The following SPAG1 variants were observed in gnomAD, a reference collection of about 807,000 sequenced individuals.
The protein encoded by SPAG1 is sperm-associated antigen 1.
A neutral mutation model predicts 100.5 loss-of-function variants in SPAG1; 69 were observed. The observed-to-expected ratio is 0.69, with a 90% CI of 0.57 to 0.84. The LOEUF (loss-of-function observed/expected upper bound fraction) is 0.84, where lower values mean the gene tolerates loss of function less well. Ranked by LOEUF, SPAG1 falls within the 40% of genes least tolerant of loss-of-function variation. The pLI, the probability that SPAG1 is intolerant of heterozygous loss-of-function variation, is 0.00. For missense variants in SPAG1, 955 were observed against 1,133.1 expected (o/e 0.84, Z 2.26); for synonymous variants, 336 against 411.6 (o/e 0.82, Z 2.22).
At chr8:100,181,134 T>C (rs1174141074) in intron 4 of SPAG1, among the ~76,000 whole-genome samples, 1 of 152,268 alleles carries the variant, frequency 6.6e-6, no homozygotes, top group Non-Finnish European at 1.5e-5. Flanking sequence ...CCAAATATAA[T>C]ATTACACATT....
At chr8:100,224,585 A>G (rs1799573906) in intron 13 of SPAG1, among the ~76,000 whole-genome samples, 1 of 152,176 alleles carries the variant, frequency 6.6e-6, no homozygotes, top group Non-Finnish European at 1.5e-5. Flanking sequence ...ACTGATAATT[A>G]TAGAGATGAA....
At chr8:100,209,623 C>A (rs1817639908) in intron 10 of SPAG1, among the ~76,000 whole-genome samples, 1 of 116,334 alleles carries the variant, frequency 8.6e-6, no homozygotes. Context: ...ACCTTAATAA[C>A]AATAAGTCTT....
At chr8:100,160,740 T>G (rs374797667) in intron 1 of SPAG1, among the ~76,000 whole-genome samples, 3 of 152,048 alleles carry the variant, frequency 2.0e-5, no homozygotes, top group East Asian at 1.9e-4. Flanking sequence ...TTAAGGCAAG[T>G]TACAGAAAGG....
intron 11 of SPAG1, among the ~76,000 whole-genome samples, 156 bp downstream of exon 11, chr8:100,213,584 C>T (rs991987851): frequency 1.4e-4 from 22 of 152,222 alleles, no homozygotes; most frequent in Non-Finnish European, 2.6e-4. Context: ...TGCCACCTGA[C>T]CTCAGTGAGC....
intron 11 of SPAG1, 76 bp downstream of exon 11, chr8:100,213,504 G>C: frequency 8.6e-7 from 1 of 1,159,850 alleles, no homozygotes. Flanking sequence ...CCCCGTGGGA[G>C]AGGCGCTGCC....
At position 100,213,888 on chromosome 8, in the gene SPAG1, A is replaced by G; in HGVS notation, c.1505A>G (p.Asn502Ser). The G allele has an allele frequency of 6.2e-7, 1 of 1,603,516 alleles. No individual in the cohort carries two copies. Among genetic ancestry groups the G allele is most frequent in the Non-Finnish European group, 8.5e-7 (1 of 1,171,884 alleles). Residue 502 changes from asparagine (N) to serine (S), a missense_variant, in exon 12 of 19, where the codon AAC becomes AGC. By Grantham distance (46) the Asn-to-Ser change is conservative. Coordinates refer to ENST00000388798, the MANE Select transcript of SPAG1 (RefSeq NM_003114.5). ...NRAACYLKEG[N>S]CSGCIQDCNR... The stretch of plus-strand genomic sequence containing the variant: ...GCAGCATGTTACCTAAAAGAAGGAA[A>G]CTGCAGTGGCTGCATTCAAGATTGT...
intron 2 of SPAG1, 137 bp from the exon 3 acceptor site, chr8:100,165,676 GT>G (rs1815517835): frequency 1.6e-6 from 1 of 632,784 alleles, no homozygotes; most frequent in South Asian, 2.3e-5. Flanking sequence ...GACTATGCGG[GT>G]TAAGGAAAGA....
intron 3 of SPAG1, among the ~76,000 whole-genome samples, 169 bp from the exon 4 acceptor site, chr8:100,177,647 A>G (rs1816186603): frequency 6.6e-6 from 1 of 152,106 alleles, no homozygotes; most frequent in African/African-American, 2.4e-5. Flanking sequence ...GTTTTTTCAA[A>G]TCGTCACAAA....
intron 7 of SPAG1, among the ~76,000 whole-genome samples, chr8:100,186,060 CTTTTTTTTT>C (rs71274962): frequency 1.1e-5 from 1 of 89,984 alleles, no homozygotes; most frequent in Admixed American, 1.5e-4. Context: ...TGGGCAGATT[CTTTTTTTTT>C]TTTTTTTTTT....
At chr8:100,178,853 T>G (rs1198715782) in intron 4 of SPAG1, among the ~76,000 whole-genome samples, 1 of 151,950 alleles carries the variant, frequency 6.6e-6, no homozygotes, top group Non-Finnish European at 1.5e-5. Context: ...TCCCAGCACT[T>G]TGGGAGGCTG....
chr8:100,174,458 TG>T (rs1344280643), intron 3 of SPAG1, among the ~76,000 whole-genome samples: 1 of 151,968 alleles, frequency 6.6e-6, no homozygotes, highest in Non-Finnish European at 1.5e-5. Flanking sequence ...ATGGAAGAGG[TG>T]GAGGAGATGA....
chr8:100,219,769 T>G (rs756302699), intron 12 of SPAG1, among the ~76,000 whole-genome samples: 6 of 152,214 alleles, frequency 3.9e-5, no homozygotes, highest in Non-Finnish European at 7.3e-5. Context: ...AAGAAATCAT[T>G]GTAGGTTTAG....
At chr8:100,221,013 C>A (rs1367444076) in intron 13 of SPAG1, among the ~76,000 whole-genome samples, 1 of 151,668 alleles carries the variant, frequency 6.6e-6, no homozygotes, top group African/African-American at 2.4e-5. Flanking sequence ...GCGGAGATTG[C>A]GGTGAGCTGA....
intron 10 of SPAG1, chr8:100,194,810 G>A (rs752713390): frequency 1.3e-4 from 20 of 156,740 alleles, no homozygotes; most frequent in Non-Finnish European, 2.4e-4. Context: ...ATAAAACATC[G>A]AAAGTTATGT....
Position 100,187,147 on chromosome 8 carries a change from T to C in SPAG1, c.729T>C (p.Val243=), listed in dbSNP as rs756236210. Residue 243 remains valine, a synonymous_variant, in exon 8 of 19, where the codon GTT becomes GTC. Transcript: ENST00000388798. The part of the protein sequence containing the change: ...TRSISALPTV[V]AYNNRAQAEI... ...GCATATCAGCGCTTCCCACTGTAGT[T>C]GCCTATAACAATCGAGCTCAAGCAG... 2.5e-6 allele frequency: 4 copies of C among 1,612,494 alleles called. No homozygotes were observed. The highest frequency in any genetic ancestry group is 3.4e-6 in the Non-Finnish European group (4 of 1,179,182).
chr8:100,180,674 G>A (rs1267286828), intron 4 of SPAG1, among the ~76,000 whole-genome samples: 1 of 152,178 alleles, frequency 6.6e-6, no homozygotes, highest in African/African-American at 2.4e-5. Context: ...CCTTGTAAGG[G>A]TTAAAGCAGA....
At chr8:100,221,034 C>T (rs1818252386) in intron 13 of SPAG1, among the ~76,000 whole-genome samples, 2 of 151,846 alleles carry the variant, frequency 1.3e-5, no homozygotes, top group Admixed American at 6.6e-5. Flanking sequence ...GATCATACCA[C>T]TGCACTCCAG....
chr8:100,208,289 C>T (rs1749388989), intron 10 of SPAG1, among the ~76,000 whole-genome samples: 2 of 152,164 alleles, frequency 1.3e-5, no homozygotes, highest in African/African-American at 4.8e-5. Context: ...GACCCGGACT[C>T]TCAAGACAAA....
chr8:100,200,418 T>G (rs1432750496), intron 10 of SPAG1, among the ~76,000 whole-genome samples: 1 of 152,246 alleles, frequency 6.6e-6, no homozygotes, highest in African/African-American at 2.4e-5. Context: ...CGTGTGCATG[T>G]GTCTTTATAG....
Sources: allele counts gnomAD v4.1 joint callset (sites outside exome capture counted in the v4.1 genomes callset), GRCh38; gene constraint gnomAD v4.1.1; transcripts MANE v1.5; gene names NCBI Gene and HGNC (gene_info 2026-07-23, HGNC 2026-07-21).